Variants in NADK2 observed in about 807,000 individuals in gnomAD.
The protein encoded by NADK2 is NAD kinase domain-containing protein 1, mitochondrial.
Under a neutral mutation model 62.1 loss-of-function variants are expected in NADK2, and 35 were observed. That is an observed-to-expected ratio of 0.56 (90% CI 0.43 to 0.75). The LOEUF is 0.75. NADK2 is among the 30% of genes least tolerant of loss of function. NADK2 has a pLI of 0.00. For missense variants in NADK2, 439 were observed against 561.3 expected (o/e 0.78, Z 2.20); for synonymous variants, 205 against 207.9 (o/e 0.99, Z 0.12).
intron 8 of NADK2, 150 bp downstream of exon 8, chr5:36,207,020 G>C: frequency 1.6e-6 from 1 of 643,894 alleles, no homozygotes; most frequent in African/African-American, 1.9e-5. Context: ...AGGACTACTA[G>C]ACCCAAATGA....
rs1210845080 is a variant in NADK2, at chr5:36,193,304, A to G, written c.*1840T>C. ...AGCCTGACCAACATGGTGAATCCCC[A>G]TATCTACTAAAAATACAAAAAATTA... On this transcript the variant is annotated 3_prime_UTR_variant, in exon 12 of 12. Transcript: ENST00000381937. 1.3e-5 allele frequency: 2 copies of G among 152,060 alleles called. No homozygotes were observed. The highest frequency in any genetic ancestry group is 4.1e-4 in the South Asian group (2 of 4,820). 9.4% of individuals were successfully genotyped at this position (152,060 alleles called of 1,614,324 possible).
chr5:36,238,758 T>C (rs1248656825), intron 1 of NADK2, among the ~76,000 whole-genome samples: 1 of 152,148 alleles, frequency 6.6e-6, no homozygotes, highest in Non-Finnish European at 1.5e-5. Context: ...AGAAATCTGA[T>C]ATCACAAAAT....
In NADK2 at chr5:36,212,003, C is replaced by T. The variant is rs1746867171; in HGVS notation, c.782-81G>A. On this transcript the variant is annotated intron_variant, in intron 6 of 11. Coordinates refer to ENST00000381937, the MANE Select transcript of NADK2 (RefSeq NM_001085411.3). Reference sequence around the variant, plus strand: ...GTTATAAAAATTTTATAAAACACTACAACTTTTATATTTTTGTTTTTAAAA... The same window carrying T: ...GTTATAAAAATTTTATAAAACACTATAACTTTTATATTTTTGTTTTTAAAA... 15 of 1,021,870 alleles carry T rather than the reference C, an allele frequency of 1.5e-5. No individual in the cohort carries two copies. The South Asian group carries it at 1.7e-4, about 12-fold the overall frequency. The allele number at this position is 1,021,870 out of a possible 1,614,324, so 63.3% of individuals were successfully genotyped here.
intron 4 of NADK2, among the ~76,000 whole-genome samples, chr5:36,220,752 A>T (rs1468137488): frequency 6.6e-6 from 1 of 152,254 alleles, no homozygotes; most frequent in Non-Finnish European, 1.5e-5. Flanking sequence ...ATGAGGTTAC[A>T]GTCAGATATC....
intron 1 of NADK2, among the ~76,000 whole-genome samples, chr5:36,240,584 T>G (rs1748069660): frequency 6.6e-6 from 1 of 152,218 alleles, no homozygotes; most frequent in African/African-American, 2.4e-5. Context: ...CCGGGCACTC[T>G]CCTTTTCCTA....
rs1579648578 is a variant in NADK2 at position 36,241,402 on chromosome 5, G to C, written c.300+97C>G. 1.1e-5 allele frequency: 16 copies of C among 1,398,906 alleles called. No homozygotes were observed. The East Asian group carries it at 4.6e-4, about 40-fold the overall frequency. The allele number at this position is 1,398,906 out of a possible 1,614,324, so 86.7% of individuals were successfully genotyped here. ...GCAGGACCGGCATCTGCGGTGCCCT[G>C]GGAAGAGTCGTCCCGAGAGGTCCCC... On this transcript the variant is annotated intron_variant, in intron 1 of 11. Coordinates refer to ENST00000381937, the MANE Select transcript of NADK2 (RefSeq NM_001085411.3). The surrounding 1 kb of genome is among the most constrained non-coding windows in gnomAD (Gnocchi z 4.9).
rs1302278412 is a variant in NADK2, at chr5:36,193,434, A to C, written c.*1710T>G. On this transcript the variant is annotated 3_prime_UTR_variant, in exon 12 of 12. Transcript: ENST00000381937. The stretch of plus-strand genomic sequence containing the variant: ...GAGGTTGCAGAGCCGAGATCATGCC[A>C]CTGCAGTCCAGCCTGGGTGACAAAG... 1 of 146,198 alleles carries C rather than the reference A, an allele frequency of 6.8e-6. No individual in the cohort carries two copies. The highest frequency in any genetic ancestry group is 1.5e-5 in the Non-Finnish European group (1 of 67,460). 9.1% of individuals were successfully genotyped at this position (146,198 alleles called of 1,614,324 possible). A position where few individuals can be genotyped will look rare whatever the true frequency, so the allele number is the denominator to read the frequency against.
chr5:36,221,159 T>G (rs1217237163), intron 4 of NADK2: 1 of 152,202 alleles, frequency 6.6e-6, no homozygotes, highest in African/African-American at 2.4e-5. Context: ...ATTTTGAATA[T>G]TAAGCTTTCA....
At chr5:36,216,424 A>G (rs942386748) in intron 6 of NADK2, among the ~76,000 whole-genome samples, 2 of 152,280 alleles carry the variant, frequency 1.3e-5, no homozygotes, top group East Asian at 1.9e-4. Flanking sequence ...TTTGTTTAAT[A>G]TAGTTCCATT....
rs1746429613 is a variant in NADK2, at chr5:36,201,112, T to C, written c.1006A>G (p.Asn336Asp). Residue 336 changes from asparagine to aspartate, a missense_variant, in exon 9 of 12, where the codon AAT becomes GAT. By Grantham distance (23) the Asn-to-Asp change is conservative (BLOSUM62 1). Coordinates refer to ENST00000381937, the MANE Select transcript of NADK2 (RefSeq NM_001085411.3). ...TAGCTGTTTTGGTACTCACCAATAT[T>C]TAAAACATCTTCTACAGCCTGAGTT... ...VATQAVEDVL[N>D]IAKRQGNLSL... is the part of the protein sequence containing the mutation. The C allele has an allele frequency of 2.5e-6, 4 of 1,612,462 alleles. No individual in the cohort carries two copies. The Middle Eastern group carries it at 5.0e-4, about 200-fold the overall frequency.
At chr5:36,212,186 G>A in intron 6 of NADK2, 1 of 265,524 alleles carries the variant, frequency 3.8e-6, no homozygotes, top group East Asian at 7.6e-5. Flanking sequence ...CAAGAGTGAT[G>A]AACTATATTT....
intron 1 of NADK2, among the ~76,000 whole-genome samples, chr5:36,230,733 T>C (rs2112181426): frequency 6.6e-6 from 1 of 152,348 alleles, no homozygotes; most frequent in East Asian, 1.9e-4. Context: ...TATTTTGTTA[T>C]AATTATCTCT....
In NADK2 at chr5:36,193,259, A is replaced by G. The variant is rs377577623; in HGVS notation, c.*1885T>C. ...TGGGAGGCCGAGGCAGGCAGATCAC[A>G]AGGTCAGGAGTTCGAGACCAGCCTG... On this transcript the variant is annotated 3_prime_UTR_variant, in exon 12 of 12. Coordinates refer to ENST00000381937, the MANE Select transcript of NADK2 (RefSeq NM_001085411.3). The G allele has an allele frequency of 6.6e-6, 1 of 152,128 alleles. No individual in the cohort carries two copies. Among genetic ancestry groups the G allele is most frequent in the African/African-American group, 2.4e-5 (1 of 41,498 alleles). The allele number at this position is 152,128 out of a possible 1,614,324, so 9.4% of individuals were successfully genotyped here. A position where few individuals can be genotyped will look rare whatever the true frequency, so the allele number is the denominator to read the frequency against.
In NADK2 at chr5:36,241,818, G is replaced by A. The variant is rs1370511114; in HGVS notation, c.-20C>T. ...AGTCATCGTGGGCCGGGCCGCGGCCGCGGGCTTGGGCTCGGGCCCCTTGCC... is the reference window on the plus strand; with the variant it reads ...AGTCATCGTGGGCCGGGCCGCGGCCACGGGCTTGGGCTCGGGCCCCTTGCC... On this transcript the variant is annotated 5_prime_UTR_variant, in exon 1 of 12. Transcript: ENST00000381937. This position sits in a 1 kb window ranked among gnomAD's most constrained non-coding sequence, Gnocchi z 4.9. 3 of 1,296,352 alleles carry A rather than the reference G, an allele frequency of 2.3e-6. No homozygotes were observed. The highest frequency in any genetic ancestry group is 2.9e-6 in the Non-Finnish European group (3 of 1,023,944). The allele number at this position is 1,296,352 out of a possible 1,614,324, so 80.3% of individuals were successfully genotyped here.
rs1746670202 is a variant in NADK2, at chr5:36,207,152, A to G, written c.956+18T>C. On this transcript the variant is annotated intron_variant, in intron 8 of 11. Coordinates refer to ENST00000381937, the MANE Select transcript of NADK2 (RefSeq NM_001085411.3). ...AGTATTTCACAAAACTTGATAAGCA[A>G]CATCCCAAGTTACTCACCAGGCCTT... 6.3e-7 allele frequency: 1 copy of G among 1,593,324 alleles called. No individual in the cohort carries two copies. The highest frequency in any genetic ancestry group is 8.6e-7 in the Non-Finnish European group (1 of 1,161,918).
At chr5:36,203,316 T>C (rs72744549) in intron 8 of NADK2, among the ~76,000 whole-genome samples, 30,909 of 152,042 alleles carry the variant, frequency 0.2, 3,881 homozygotes, top group Non-Finnish European at 0.27. Flanking sequence ...TATTAATGTA[T>C]AGAAATATAC....
At chr5:36,220,951 A>C (rs1444270235) in intron 4 of NADK2, 1 of 152,294 alleles carries the variant, frequency 6.6e-6, no homozygotes, top group African/African-American at 2.4e-5. Context: ...CCCCACAATG[A>C]ACAATCCTAA....
intron 1 of NADK2, among the ~76,000 whole-genome samples, chr5:36,237,856 CAA>C (rs1444143461): frequency 6.6e-6 from 1 of 152,236 alleles, no homozygotes; most frequent in South Asian, 2.1e-4. Context: ...TTCATAAAAC[CAA>C]AGTCTGGGAA....
At chr5:36,211,019 T>C in intron 7 of NADK2, among the ~76,000 whole-genome samples, 1 of 151,950 alleles carries the variant, frequency 6.6e-6, no homozygotes, top group East Asian at 1.9e-4. Context: ...AAAACATTAA[T>C]AAAGCACCTG....
Sources: gnomAD v4.1 joint callset for allele counts (sites outside exome capture counted in the v4.1 genomes callset) on GRCh38, gnomAD v4.1.1 for gene constraint, Gnocchi (gnomAD v3.1) non-coding constraint, MANE v1.5 for transcripts, NCBI Gene and HGNC (gene_info 2026-07-23, HGNC 2026-07-21) for gene names.